SLC9A9: variants seen among roughly 807,000 people sequenced by gnomAD.
SLC9A9 encodes the protein solute carrier family 9 member A9, also known as sodium/hydrogen exchanger 9.
SLC9A9 carries 62 observed loss-of-function variants against 77.8 expected under a neutral mutation model. That is an observed-to-expected ratio of 0.80 (90% CI 0.65 to 0.98). SLC9A9 has a LOEUF of 0.98. Ranked by LOEUF, SLC9A9 falls within the 50% of genes least tolerant of loss-of-function variation. SLC9A9 has a pLI of 0.00. For missense variants in SLC9A9, 775 were observed against 774.9 expected, an observed-to-expected ratio of 1.00 and a Z score of 0.00; for synonymous variants, 320 against 283.5, an observed-to-expected ratio of 1.13 and a Z score of -1.29.
chr3:143,274,598 A>G (rs1173986275), intron 14 of SLC9A9, among the ~76,000 whole-genome samples: 1 of 152,220 alleles, frequency 6.6e-6, no homozygotes, highest in African/African-American at 2.4e-5. Flanking sequence ...AGTTGAAAAA[A>G]GTGTACAAAC....
intron 11 of SLC9A9, 43 bp from the exon 12 acceptor site, chr3:143,467,233 G>A: frequency 1.9e-6 from 3 of 1,612,672 alleles, no homozygotes; most frequent in South Asian, 1.1e-5. Flanking sequence ...CCTTGCAGGT[G>A]TCTTTTTCAT....
chr3:143,372,899 A>T lies in SLC9A9; in HGVS notation c.1524+9161T>A, dbSNP rs2033089543. Among the ~76,000 whole-genome samples the T allele has an allele frequency of 2.0e-5, 3 of 152,212 alleles. No individual in the cohort carries two copies. The South Asian group carries it at 6.2e-4, about 32-fold the overall frequency. On this transcript the variant is annotated intron_variant, in intron 13 of 15. Coordinates refer to ENST00000316549, the MANE Select transcript of SLC9A9 (RefSeq NM_173653.4). ...TCAGGGAAATGCAAATTAAAGCCAC[A>T]ATGAGATACTACTTTACTCCTGCAA...
intron 13 of SLC9A9, among the ~76,000 whole-genome samples, chr3:143,375,690 G>A (rs1027175479): frequency 1.3e-5 from 2 of 152,174 alleles, no homozygotes; most frequent in African/African-American, 2.4e-5. Context: ...AATTGTAGCT[G>A]ACCCTAGATA....
intron 6 of SLC9A9, among the ~76,000 whole-genome samples, chr3:143,628,790 C>T (rs1168392733): frequency 6.6e-6 from 1 of 152,108 alleles, no homozygotes; most frequent in African/African-American, 2.4e-5. Flanking sequence ...ATTTTGTCAA[C>T]AGTCTCATTT....
chr3:143,651,208 G>A (rs1028078861), intron 6 of SLC9A9, among the ~76,000 whole-genome samples: 7 of 152,120 alleles, frequency 4.6e-5, no homozygotes, highest in African/African-American at 9.7e-5. Context: ...ATCTGCCCAT[G>A]GCTTTTGCTC....
intron 12 of SLC9A9, among the ~76,000 whole-genome samples, chr3:143,396,915 A>ATCT (rs1491533951): frequency 6.6e-6 from 1 of 152,216 alleles, no homozygotes; most frequent in Non-Finnish European, 1.5e-5. Context: ...CTGACAATTT[A>ATCT]GATATACATT....
At position 143,503,677 on chromosome 3, in the gene SLC9A9, C is replaced by T. The variant is rs76959913; in HGVS notation, c.1090-8229G>A. ...AGGGATGATGTTCTGGAGAGTCCTG[C>T]AGCCATCACACCATGGTCTCCCGGA... On this transcript the variant is annotated intron_variant, in intron 9 of 15. Transcript: ENST00000316549. 1.8e-4 allele frequency: 75 copies of T among 414,088 alleles called. 1 individual carries two copies. The East Asian group carries it at 5.3e-3, about 29-fold the overall frequency. The allele number at this position is 414,088 out of a possible 1,614,324, so 25.7% of individuals were successfully genotyped here.
intron 5 of SLC9A9, among the ~76,000 whole-genome samples, chr3:143,669,319 C>T (rs946518081): frequency 2.0e-5 from 3 of 152,166 alleles, no homozygotes; most frequent in Admixed American, 6.5e-5. Context: ...CCATCCTATA[C>T]GTCTTTGAGC....
At chr3:143,492,327 A>G (rs2035763080) in intron 11 of SLC9A9, among the ~76,000 whole-genome samples, 1 of 151,238 alleles carries the variant, frequency 6.6e-6, no homozygotes, top group African/African-American at 2.4e-5. Context: ...CTACCACTCC[A>G]ACTTCTCACC....
chr3:143,642,687 A>ATT (rs2038642454), intron 6 of SLC9A9, among the ~76,000 whole-genome samples: 7 of 152,188 alleles, frequency 4.6e-5, no homozygotes, highest in African/African-American at 1.7e-4. Flanking sequence ...TTATTGATGA[A>ATT]TTCTGGATTT....
intron 6 of SLC9A9, among the ~76,000 whole-genome samples, chr3:143,605,158 C>A (rs367971558): frequency 6.6e-6 from 1 of 152,070 alleles, no homozygotes; most frequent in East Asian, 1.9e-4. Context: ...TCCTTTGGAG[C>A]GCATCAAAAG....
chr3:143,705,000 T>A (rs1933921152), intron 4 of SLC9A9, among the ~76,000 whole-genome samples: 1 of 86,192 alleles, frequency 1.2e-5, no homozygotes, highest in Non-Finnish European at 2.3e-5. Flanking sequence ...CTCAAATATC[T>A]ATCTATCTAT....
intron 8 of SLC9A9, among the ~76,000 whole-genome samples, chr3:143,560,197 C>T (rs2108645688): frequency 1.3e-5 from 2 of 152,294 alleles, no homozygotes; most frequent in Middle Eastern, 3.4e-3. Context: ...GGTAGAGCCC[C>T]CAATTCTGCA....
chr3:143,798,985 C>A (rs1423549902), intron 2 of SLC9A9, among the ~76,000 whole-genome samples: 1 of 152,156 alleles, frequency 6.6e-6, no homozygotes, highest in Non-Finnish European at 1.5e-5. Flanking sequence ...CTCCTCCACC[C>A]TATAATCCTT....
intron 5 of SLC9A9, among the ~76,000 whole-genome samples, chr3:143,672,616 C>A (rs1251373721): frequency 6.6e-6 from 1 of 152,188 alleles, no homozygotes; most frequent in African/African-American, 2.4e-5. Context: ...CCAAAAATAA[C>A]AGTCCTGCTT....
chr3:143,399,751 T>G (rs1034992437), intron 12 of SLC9A9, among the ~76,000 whole-genome samples: 2 of 152,172 alleles, frequency 1.3e-5, no homozygotes, highest in African/African-American at 4.8e-5. Flanking sequence ...GATGACAGCT[T>G]AAACAACTGT....
intron 1 of SLC9A9, among the ~76,000 whole-genome samples, chr3:143,832,963 C>T (rs1404044266): frequency 6.6e-6 from 1 of 152,032 alleles, no homozygotes. Context: ...TACTTGTAGC[C>T]AAATGCATTC....
intron 14 of SLC9A9, among the ~76,000 whole-genome samples, chr3:143,333,118 C>A (rs2031824028): frequency 6.6e-6 from 1 of 152,110 alleles, no homozygotes; most frequent in Non-Finnish European, 1.5e-5. Context: ...AGGAACTGTG[C>A]CTTTCATGTT....
At chr3:143,286,335 G>A (rs573152923) in intron 14 of SLC9A9, among the ~76,000 whole-genome samples, 158 of 152,292 alleles carry the variant, frequency 1.0e-3, no homozygotes, top group African/African-American at 3.4e-3. Flanking sequence ...CCTTGGGCTG[G>A]TGCACACAGA....
Sources: gnomAD v4.1 joint callset for allele counts (sites outside exome capture counted in the v4.1 genomes callset) on GRCh38, gnomAD v4.1.1 for gene constraint, MANE v1.5 for transcripts, NCBI Gene and HGNC (gene_info 2026-07-23, HGNC 2026-07-21) for gene names.